Variants in TDRP observed in about 807,000 individuals in gnomAD.
TDRP encodes testis development-related protein.
Under a neutral mutation model 10.5 loss-of-function variants are expected in TDRP, and 12 were observed. The observed-to-expected ratio is 1.15, with a 90% CI of 0.73 to 1.86. TDRP has a LOEUF of 1.86. Among genes scored for constraint, TDRP ranks in the 40% most tolerant of loss-of-function variants. The pLI is 0.00. For missense variants in TDRP, 353 were observed against 229.2 expected (o/e 1.54, Z -3.49); for synonymous variants, 139 against 95.4 (o/e 1.46, Z -2.67).
chr8:544,817 C>T lies in TDRP; in HGVS notation c.-60G>A, dbSNP rs1017332450. On this transcript the variant is annotated 5_prime_UTR_variant, in exon 1 of 3. Transcript: ENST00000324079. ...GTCGGGCTGTGGCTCCGCGTCCCTC[C>T]CGGCCGCCGGACGCTCTGCCTGCGG... The T allele has an allele frequency of 4.3e-6, 5 of 1,160,350 alleles. No homozygotes were observed. The highest frequency in any genetic ancestry group is 5.4e-6 in the Non-Finnish European group (5 of 924,728). 71.9% of individuals were successfully genotyped at this position (1,160,350 alleles called of 1,614,324 possible).
In TDRP at chr8:491,479, A is replaced by G. The variant is rs1267284459; in HGVS notation, c.*920T>C. 17 of 861,162 alleles carry G rather than the reference A, an allele frequency of 2.0e-5. No individual in the cohort carries two copies. The highest frequency in any genetic ancestry group is 1.6e-5 in the Non-Finnish European group (10 of 612,412). 53.3% of individuals were successfully genotyped at this position (861,162 alleles called of 1,614,324 possible). Reference sequence around the variant, plus strand: ...AACCGGTCGTCGATTATTCTTGTGGAAAAAACACAGCTTCTTACAGATCTA... The same window carrying G: ...AACCGGTCGTCGATTATTCTTGTGGGAAAAACACAGCTTCTTACAGATCTA... On this transcript the variant is annotated 3_prime_UTR_variant, in exon 3 of 3. Transcript: ENST00000324079.
chr8:510,424 A>G (rs1405257443), intron 1 of TDRP, among the ~76,000 whole-genome samples: 1 of 152,210 alleles, frequency 6.6e-6, no homozygotes, highest in African/African-American at 2.4e-5. Context: ...CAGACAAAAG[A>G]TCAGATGTAA....
At chr8:518,943 A>C (rs1801825982) in intron 1 of TDRP, among the ~76,000 whole-genome samples, 2 of 152,200 alleles carry the variant, frequency 1.3e-5, no homozygotes, top group South Asian at 4.1e-4. Context: ...TGCCTTTCGT[A>C]CACTAATGAG....
intron 1 of TDRP, among the ~76,000 whole-genome samples, chr8:502,421 G>T (rs867554801): frequency 2.6e-5 from 4 of 152,248 alleles, no homozygotes; most frequent in Non-Finnish European, 4.4e-5. Flanking sequence ...CGACCCTTCA[G>T]GGTGTGGTGG....
At chr8:516,612 C>G (rs1801762971) in intron 1 of TDRP, among the ~76,000 whole-genome samples, 1 of 152,156 alleles carries the variant, frequency 6.6e-6, no homozygotes, top group Non-Finnish European at 1.5e-5. Flanking sequence ...CCACCAGATG[C>G]TGGCAAGGAC....
chr8:517,344 C>T (rs1242938301), intron 1 of TDRP, among the ~76,000 whole-genome samples: 1 of 152,200 alleles, frequency 6.6e-6, no homozygotes, highest in Non-Finnish European at 1.5e-5. Flanking sequence ...GGGGCATCCC[C>T]ATCCCTTCCC....
intron 1 of TDRP, among the ~76,000 whole-genome samples, chr8:535,026 G>T (rs762001602): frequency 2.0e-5 from 3 of 152,070 alleles, no homozygotes; most frequent in Non-Finnish European, 4.4e-5. Flanking sequence ...CTTGATAAAA[G>T]GACTCGTTAT....
intron 1 of TDRP, among the ~76,000 whole-genome samples, chr8:517,491 T>C (rs1248192273): frequency 2.0e-5 from 3 of 152,134 alleles, no homozygotes; most frequent in Non-Finnish European, 4.4e-5. Context: ...CAACCTCCTT[T>C]ATCTTAACCC....
chr8:502,289 T>C (rs182877140), intron 1 of TDRP, among the ~76,000 whole-genome samples: 4 of 152,346 alleles, frequency 2.6e-5, no homozygotes, highest in Non-Finnish European at 5.9e-5. Context: ...CATTGGTTGA[T>C]GAACCCAGTC....
intron 1 of TDRP, among the ~76,000 whole-genome samples, chr8:510,992 C>G (rs756657641): frequency 6.6e-6 from 1 of 152,000 alleles, no homozygotes; most frequent in South Asian, 2.1e-4. Flanking sequence ...GCTAAGAAAT[C>G]GGCTACAGAT....
intron 1 of TDRP, among the ~76,000 whole-genome samples, chr8:521,132 G>C (rs1352452424): frequency 6.6e-6 from 1 of 151,552 alleles, no homozygotes; most frequent in Non-Finnish European, 1.5e-5. Context: ...GCAGGGAGCA[G>C]CAGCTCACAC....
chr8:512,113 T>C (rs1406729581), intron 1 of TDRP, among the ~76,000 whole-genome samples: 5 of 151,784 alleles, frequency 3.3e-5, no homozygotes. Flanking sequence ...AAAACCAAAA[T>C]TTCGTTCTTT....
chr8:540,568 T>C (rs1189307990), intron 1 of TDRP, among the ~76,000 whole-genome samples: 2 of 152,192 alleles, frequency 1.3e-5, no homozygotes, highest in East Asian at 1.9e-4. Context: ...CGTCTTTCTG[T>C]TGGAGGATTG....
intron 1 of TDRP, among the ~76,000 whole-genome samples, chr8:524,120 G>T (rs1801975949): frequency 6.6e-6 from 1 of 152,198 alleles, no homozygotes; most frequent in Non-Finnish European, 1.5e-5. Context: ...CATTTGTTCG[G>T]GAGAAAGTAA....
At chr8:521,315 G>A (rs1239014576) in intron 1 of TDRP, among the ~76,000 whole-genome samples, 2 of 151,856 alleles carry the variant, frequency 1.3e-5, no homozygotes, top group Non-Finnish European at 2.9e-5. Context: ...TACTTGGGAG[G>A]CTGAGGCAGG....
At chr8:498,186 A>G (rs1484407874) in intron 1 of TDRP, among the ~76,000 whole-genome samples, 1 of 152,178 alleles carries the variant, frequency 6.6e-6, no homozygotes, top group Non-Finnish European at 1.5e-5. Context: ...TGGTAGATCC[A>G]CCAACAACTC....
intron 1 of TDRP, among the ~76,000 whole-genome samples, chr8:532,241 T>C (rs1228004969): frequency 1.3e-5 from 2 of 152,166 alleles, no homozygotes; most frequent in Non-Finnish European, 2.9e-5. Context: ...TCACATGTGG[T>C]GGCCAGCACT....
chr8:545,118 A>C, upstream of TDRP: 1 of 126,758 alleles, frequency 7.9e-6, no homozygotes. Context: ...CCCCCACAGA[A>C]AGGTCAACCC....
At position 492,372 on chromosome 8, in the gene TDRP, C is replaced by CG. The variant is rs1371890310; in HGVS notation, c.*26dup. Reference sequence around the variant, plus strand: ...GTATACTCATAAAAGGCCACCATGTCGGGGCACACTTGCCACGCAGCCCCC... The same window carrying CG: ...GTATACTCATAAAAGGCCACCATGTCGGGGGCACACTTGCCACGCAGCCCCC... On this transcript the variant is annotated 3_prime_UTR_variant, in exon 3 of 3. Transcript: ENST00000324079. 1.2e-5 allele frequency: 18 copies of CG among 1,474,546 alleles called. No individual in the cohort carries two copies. The highest frequency in any genetic ancestry group is 1.6e-5 in the Non-Finnish European group (18 of 1,110,816). The allele number at this position is 1,474,546 out of a possible 1,614,324, so 91.3% of individuals were successfully genotyped here.
Sources: gnomAD v4.1 joint callset for allele counts (sites outside exome capture counted in the v4.1 genomes callset) on GRCh38, gnomAD v4.1.1 for gene constraint, MANE v1.5 for transcripts, NCBI Gene and HGNC (gene_info 2026-07-23, HGNC 2026-07-21) for gene names.